The following CHL1 variants were observed in gnomAD, a reference collection of about 807,000 sequenced individuals.
The protein encoded by CHL1 is cell adhesion molecule L1 like, also known as neural cell adhesion molecule L1-like protein.
Under a neutral mutation model 141.9 loss-of-function variants are expected in CHL1, and 96 were observed. The ratio of observed to expected loss-of-function variants is 0.68; its 90% confidence interval spans 0.57 to 0.80. The LOEUF (loss-of-function observed/expected upper bound fraction) is 0.80. Ranked by LOEUF, CHL1 falls within the 30% of genes least tolerant of loss-of-function variation. The pLI is 0.00. For synonymous variants in CHL1, 613 were observed against 502.2 expected, an observed-to-expected ratio of 1.22 and a Z score of -2.95; for missense variants, 1,820 against 1,457.2, an observed-to-expected ratio of 1.25 and a Z score of -4.05.
Position 391,816 on chromosome 3 carries a change from T to G in CHL1, c.2914+19T>G, listed in dbSNP as rs1312315929. On this transcript the variant is annotated intron_variant, in intron 23 of 27. Transcript: ENST00000256509. ...CAGATAAGTAAGTAGAAATTTGAAT[T>G]GGAGTTAACTTGTTAATGTTTCATT... 6.4e-7 allele frequency: 1 copy of G among 1,560,138 alleles called. No homozygotes were observed. Among genetic ancestry groups the G allele is most frequent in the Admixed American group, 2.0e-5 (1 of 50,502 alleles).
At chr3:247,355 A>G (rs1046170230) in intron 2 of CHL1, 2 of 151,964 alleles carry the variant, frequency 1.3e-5, no homozygotes, top group Non-Finnish European at 2.9e-5. Flanking sequence ...GTCTCCTTCT[A>G]TCTCCGTTTA....
intron 2 of CHL1, among the ~76,000 whole-genome samples, chr3:319,418 T>A (rs760132498): frequency 4.6e-5 from 7 of 151,746 alleles, no homozygotes; most frequent in African/African-American, 1.4e-4. Flanking sequence ...GTGTATAATA[T>A]CATACCTTCC....
intron 2 of CHL1, among the ~76,000 whole-genome samples, chr3:265,632 C>G (rs780255944): frequency 3.3e-5 from 5 of 152,096 alleles, no homozygotes; most frequent in Non-Finnish European, 7.4e-5. Flanking sequence ...TACTAGAATT[C>G]TATTCAATGA....
intron 2 of CHL1, among the ~76,000 whole-genome samples, chr3:265,987 C>A (rs985623325): frequency 6.6e-6 from 1 of 152,174 alleles, no homozygotes; most frequent in Non-Finnish European, 1.5e-5. Flanking sequence ...AGTGGTGGTT[C>A]TTAGTCTGTG....
At chr3:290,139 C>T (rs1298297945) in intron 2 of CHL1, among the ~76,000 whole-genome samples, 1 of 151,794 alleles carries the variant, frequency 6.6e-6, no homozygotes, top group Non-Finnish European at 1.5e-5. Flanking sequence ...TTTTAAACAG[C>T]AAGTCATTTT....
At chr3:400,784 A>C (rs1005616267) in intron 26 of CHL1, among the ~76,000 whole-genome samples, 1 of 152,136 alleles carries the variant, frequency 6.6e-6, no homozygotes, top group African/African-American at 2.4e-5. Flanking sequence ...CCTGGGCGAC[A>C]GAGTGAGACT....
chr3:231,591 T>C (rs1229837105), intron 1 of CHL1, among the ~76,000 whole-genome samples: 1 of 149,090 alleles, frequency 6.7e-6, no homozygotes, highest in Non-Finnish European at 1.5e-5. Context: ...TTTTTTTTTT[T>C]TTTTGAGATG....
At chr3:314,500 A>T (rs1700018483) in intron 2 of CHL1, among the ~76,000 whole-genome samples, 1 of 151,814 alleles carries the variant, frequency 6.6e-6, no homozygotes, top group Non-Finnish European at 1.5e-5. Flanking sequence ...ATTGTTCCTA[A>T]GTCTACTGTT....
chr3:276,462 C>T (rs975613076), intron 2 of CHL1, among the ~76,000 whole-genome samples: 15 of 152,298 alleles, frequency 9.8e-5, no homozygotes, highest in Middle Eastern at 3.4e-3. Context: ...AATCCAGTGA[C>T]TCAACTGCCT....
intron 1 of CHL1, among the ~76,000 whole-genome samples, chr3:240,210 A>G (rs915767088): frequency 1.3e-5 from 2 of 152,186 alleles, no homozygotes; most frequent in African/African-American, 4.8e-5. Flanking sequence ...CATTCTCACC[A>G]GCAGTGTAGA....
At chr3:245,133 C>T (rs1559329948) in intron 2 of CHL1, among the ~76,000 whole-genome samples, 1 of 152,276 alleles carries the variant, frequency 6.6e-6, no homozygotes, top group East Asian at 1.9e-4. Context: ...GTCTGAACGA[C>T]TTACAGCTTC....
intron 1 of CHL1, chr3:197,624 C>T (rs1262800953): frequency 1.5e-5 from 5 of 332,436 alleles, no homozygotes; most frequent in Non-Finnish European, 2.9e-5. Flanking sequence ...ATTCTAGATC[C>T]CAGCCCGGGG....
chr3:333,587 T>C (rs183830421), intron 5 of CHL1, among the ~76,000 whole-genome samples: 1 of 152,322 alleles, frequency 6.6e-6, no homozygotes, highest in African/African-American at 2.4e-5. Context: ...AAATGTATTA[T>C]CCAAGACATG....
At chr3:227,098 G>C (rs997597796) in intron 1 of CHL1, among the ~76,000 whole-genome samples, 8 of 152,172 alleles carry the variant, frequency 5.3e-5, no homozygotes, top group African/African-American at 1.9e-4. Flanking sequence ...TTTAAGAAGC[G>C]TAAATGTTGT....
chr3:341,353 T>G (rs753319957), intron 6 of CHL1, among the ~76,000 whole-genome samples: 1 of 152,170 alleles, frequency 6.6e-6, no homozygotes, highest in East Asian at 1.9e-4. Context: ...TTGTGAACCA[T>G]AGAGAAAAAT....
Position 210,483 on chromosome 3 carries a change from C to T in CHL1, c.-175+13420C>T, listed in dbSNP as rs373851560. ...CAATGGCAAGGAGGGCTGAGCTCAG[C>T]TGGGCCCCTCTTTCTGTCCAAGTAG... On this transcript the variant is annotated intron_variant, in intron 1 of 27. Transcript: ENST00000256509. Among the ~76,000 whole-genome samples, 10 of 152,318 alleles carry T rather than the reference C, an allele frequency of 6.6e-5. No homozygotes were observed. The East Asian group carries it at 1.7e-3, about 26-fold the overall frequency.
chr3:323,580 C>T (rs976827428), intron 3 of CHL1, among the ~76,000 whole-genome samples: 3 of 152,096 alleles, frequency 2.0e-5, no homozygotes, highest in East Asian at 1.9e-4. Flanking sequence ...CTACAATCAT[C>T]AGAAAGGACT....
At chr3:299,660 C>T (rs1698537545) in intron 2 of CHL1, among the ~76,000 whole-genome samples, 1 of 152,024 alleles carries the variant, frequency 6.6e-6, no homozygotes, top group Non-Finnish European at 1.5e-5. Flanking sequence ...TGGGATGTGC[C>T]TCCATAACTC....
At chr3:405,137 T>G (rs1371017211) in intron 27 of CHL1, among the ~76,000 whole-genome samples, 1 of 152,122 alleles carries the variant, frequency 6.6e-6, no homozygotes, top group African/African-American at 2.4e-5. Flanking sequence ...GGTTTTAACA[T>G]AGGAAGCTTG....
Sources: allele counts gnomAD v4.1 joint callset (sites outside exome capture counted in the v4.1 genomes callset), GRCh38; gene constraint gnomAD v4.1.1; transcripts MANE v1.5; gene names NCBI Gene and HGNC (gene_info 2026-07-23, HGNC 2026-07-21).